Variants in FOCAD observed in about 807,000 individuals in gnomAD.
FOCAD encodes the protein KIAA1797.
Under a neutral mutation model 225.6 loss-of-function variants are expected in FOCAD, and 198 were observed. The ratio of observed to expected loss-of-function variants is 0.88; its 90% CI spans 0.78 to 0.99. The LOEUF (loss-of-function observed/expected upper bound fraction) is 0.99. Ranked by LOEUF, FOCAD falls within the 50% of genes least tolerant of loss-of-function variation. The pLI is 0.00. For missense variants in FOCAD, 2,713 were observed against 2,123.6 expected (o/e 1.28, Z -5.46); for synonymous variants, 897 against 755.0 (o/e 1.19, Z -3.08).
intron 5 of FOCAD, among the ~76,000 whole-genome samples, chr9:20,748,288 CTT>C (rs1476113185): frequency 6.6e-6 from 1 of 151,924 alleles, no homozygotes; most frequent in African/African-American, 2.4e-5. Context: ...TATCATATAA[CTT>C]TTTAAATTTT....
Position 20,959,206 on chromosome 9 carries a change from G to A in FOCAD, c.4132+6141G>A, listed in dbSNP as rs965908343. 2.0e-5 allele frequency among the ~76,000 whole-genome samples: 3 copies of A among 152,104 alleles called. No homozygotes were observed. In the South Asian group the frequency reaches 6.2e-4, roughly 32 times the overall value. The stretch of plus-strand genomic sequence containing the variant: ...TCCTCAACAGCATTTGCTGTTTTTT[G>A]TTTGTTTGTTTGTTTTTAATAATAG... On this transcript the variant is annotated intron_variant, in intron 35 of 43. Coordinates refer to ENST00000338382, the MANE Select transcript of FOCAD (RefSeq NM_001375567.1).
At chr9:20,916,157 T>C (rs1202050870) in intron 23 of FOCAD, among the ~76,000 whole-genome samples, 1 of 152,188 alleles carries the variant, frequency 6.6e-6, no homozygotes, top group Non-Finnish European at 1.5e-5. Flanking sequence ...ACAATATTTA[T>C]AAAACCTTCG....
chr9:20,863,930 T>C (rs576400327), intron 16 of FOCAD, among the ~76,000 whole-genome samples: 1 of 152,250 alleles, frequency 6.6e-6, no homozygotes, highest in Non-Finnish European at 1.5e-5. Context: ...GGTTGTGAAT[T>C]ATCTTTTGGA....
chr9:20,875,736 T>C (rs1361159875), intron 19 of FOCAD: 1 of 152,168 alleles, frequency 6.6e-6, no homozygotes, highest in Admixed American at 6.5e-5. Flanking sequence ...TTGAAAAATA[T>C]GTTTGATTGT....
intron 10 of FOCAD, 129 bp from the exon 11 acceptor site, chr9:20,789,222 T>C: frequency 9.7e-7 from 1 of 1,026,578 alleles, no homozygotes. Flanking sequence ...ATTTTGGCAG[T>C]AATTCAATTT....
chr9:20,768,863 A>C (rs1247703395), intron 7 of FOCAD, among the ~76,000 whole-genome samples: 1 of 152,096 alleles, frequency 6.6e-6, no homozygotes, highest in African/African-American at 2.4e-5. Context: ...ATATATTTCT[A>C]CATAAAGACA....
Position 20,866,734 on chromosome 9 carries a change from C to T in FOCAD, c.2107-195C>T, listed in dbSNP as rs576329735. On this transcript the variant is annotated intron_variant, in intron 17 of 43. Coordinates refer to ENST00000338382, the MANE Select transcript of FOCAD (RefSeq NM_001375567.1). ...ACGAGGATTAAATTTCTCGATCTCT[C>T]TTTTGAAATTGCTAGTAAATATCCT... Among the ~76,000 whole-genome samples the T allele has an allele frequency of 2.4e-4, 37 of 151,772 alleles. No individual in the cohort carries two copies. In the South Asian group the frequency reaches 7.7e-3, roughly 32 times the overall value.
At chr9:20,831,264 T>C (rs986620325) in intron 15 of FOCAD, among the ~76,000 whole-genome samples, 1 of 152,098 alleles carries the variant, frequency 6.6e-6, no homozygotes, top group Non-Finnish European at 1.5e-5. Context: ...CCAGTTATCA[T>C]TTATTCATTC....
chr9:20,896,460 T>A, intron 21 of FOCAD, among the ~76,000 whole-genome samples: 1 of 151,918 alleles, frequency 6.6e-6, no homozygotes, highest in East Asian at 1.9e-4. Flanking sequence ...AAATGTTTGG[T>A]AGAGTTCACC....
intron 24 of FOCAD, among the ~76,000 whole-genome samples, chr9:20,918,992 G>T (rs1032614902): frequency 1.3e-5 from 2 of 152,028 alleles, no homozygotes; most frequent in Non-Finnish European, 2.9e-5. Flanking sequence ...TTGGGTCAGG[G>T]TATGGCTTGT....
intron 15 of FOCAD, among the ~76,000 whole-genome samples, chr9:20,837,094 A>G (rs1365522362): frequency 1.3e-5 from 2 of 152,048 alleles, no homozygotes; most frequent in African/African-American, 4.8e-5. Context: ...AAAATTTACA[A>G]TCTCAACTTT....
chr9:20,755,483 A>T (rs979315095), intron 5 of FOCAD, among the ~76,000 whole-genome samples: 1 of 152,168 alleles, frequency 6.6e-6, no homozygotes, highest in African/African-American at 2.4e-5. Context: ...GACCTGATTC[A>T]ATTTGGACAA....
chr9:20,879,989 C>G (rs1041016449), intron 19 of FOCAD, among the ~76,000 whole-genome samples: 8 of 152,180 alleles, frequency 5.3e-5, no homozygotes, highest in Non-Finnish European at 1.2e-4. Context: ...CCTCTACCCT[C>G]ACAAACAGTT....
chr9:20,892,025 C>T, intron 21 of FOCAD, among the ~76,000 whole-genome samples: 1 of 152,174 alleles, frequency 6.6e-6, no homozygotes, highest in Non-Finnish European at 1.5e-5. Context: ...TGAATCTCTT[C>T]TGTGTTCTAG....
chr9:20,927,001 G>A (rs1256692592), intron 26 of FOCAD, among the ~76,000 whole-genome samples: 2 of 134,902 alleles, frequency 1.5e-5, no homozygotes, highest in Non-Finnish European at 3.2e-5. Flanking sequence ...CATATATAAT[G>A]TGAAATATAT....
chr9:20,759,249 G>T (rs1829346226), intron 6 of FOCAD, among the ~76,000 whole-genome samples: 1 of 152,140 alleles, frequency 6.6e-6, no homozygotes, highest in Non-Finnish European at 1.5e-5. Flanking sequence ...AGCCCGCATT[G>T]CCAAGTCAAT....
intron 21 of FOCAD, 54 bp from the exon 22 acceptor site, chr9:20,907,091 AATTTT>A: frequency 1.5e-6 from 2 of 1,340,874 alleles, no homozygotes; most frequent in Non-Finnish European, 2.1e-6. Flanking sequence ...AAACAGTTTT[AATTTT>A]ATTCTTTTTT....
chr9:20,752,953 C>T (rs1050108508), intron 5 of FOCAD, among the ~76,000 whole-genome samples: 22 of 149,376 alleles, frequency 1.5e-4, no homozygotes, highest in African/African-American at 5.4e-4. Context: ...TGATTTGGCT[C>T]TCTGTTTGTC....
intron 37 of FOCAD, among the ~76,000 whole-genome samples, chr9:20,980,423 A>G (rs564241699): frequency 6.6e-6 from 1 of 152,122 alleles, no homozygotes; most frequent in East Asian, 1.9e-4. Flanking sequence ...AATTTTACTT[A>G]TCCTTTCATT....
Sources: allele counts gnomAD v4.1 joint callset (sites outside exome capture counted in the v4.1 genomes callset), GRCh38; gene constraint gnomAD v4.1.1; transcripts MANE v1.5; gene names NCBI Gene and HGNC (gene_info 2026-07-23, HGNC 2026-07-21).